Variants in CMAS observed in about 807,000 individuals in gnomAD.
CMAS encodes the protein cytidine monophosphate N-acetylneuraminic acid synthetase, also known as N-acylneuraminate cytidylyltransferase.
In CMAS, 21 loss-of-function variants were observed where a neutral mutation model predicts 53.4. That is an observed-to-expected ratio of 0.39 (90% CI 0.28 to 0.57). The LOEUF (loss-of-function observed/expected upper bound fraction) is 0.57. CMAS is among the 20% of genes least tolerant of loss of function. The pLI is 0.56. For missense variants in CMAS, 384 were observed against 534.9 expected, an observed-to-expected ratio of 0.72 and a Z score of 2.78; for synonymous variants, 189 against 195.2, an observed-to-expected ratio of 0.97 and a Z score of 0.27.
Position 22,062,445 on chromosome 12 carries a change from T to C in CMAS, c.1114+11T>C. Reference sequence around the variant, plus strand: ...AAGTGGCATATCTTGGTTGGTATCTTTTTATTCACCCATAGTAAAATGGAC... The same window carrying C: ...AAGTGGCATATCTTGGTTGGTATCTCTTTATTCACCCATAGTAAAATGGAC... On this transcript the variant is annotated intron_variant, in intron 7 of 7. Coordinates refer to ENST00000229329, the MANE Select transcript of CMAS (RefSeq NM_018686.6). 5 of 1,610,476 alleles carry C rather than the reference T, an allele frequency of 3.1e-6. No individual in the cohort carries two copies. The African/African-American group carries it at 4.0e-5, about 13-fold the overall frequency.
At chr12:22,062,586 C>A in intron 7 of CMAS, 152 bp downstream of exon 7, 1 of 769,372 alleles carries the variant, frequency 1.3e-6, no homozygotes, top group Non-Finnish European at 2.1e-6. Context: ...AACTGTTAAA[C>A]TGGGACAGTC....
At chr12:22,046,713 G>A in intron 1 of CMAS, 150 bp downstream of exon 1, 14 of 948,282 alleles carry the variant, frequency 1.5e-5, no homozygotes, top group Non-Finnish European at 2.1e-5. Context: ...GGTGCCTGGG[G>A]CCGGGCTGAG....
chr12:22,053,524 T>TAC (rs1012968411), intron 1 of CMAS, among the ~76,000 whole-genome samples: 1 of 150,790 alleles, frequency 6.6e-6, no homozygotes, highest in African/African-American at 2.4e-5. Context: ...TATATATATA[T>TAC]ATACACACAC....
In CMAS at chr12:22,052,298, C is replaced by A. The variant is rs192019531; in HGVS notation, c.261-2851C>A. Among the ~76,000 whole-genome samples, 27 of 152,302 alleles carry A rather than the reference C, an allele frequency of 1.8e-4. No individual in the cohort carries two copies. In the East Asian group the frequency reaches 5.2e-3, roughly 29 times the overall value. On this transcript the variant is annotated intron_variant, in intron 1 of 7. Coordinates refer to ENST00000229329, the MANE Select transcript of CMAS (RefSeq NM_018686.6). Reference sequence around the variant, plus strand: ...ATAAACTATGCTCTATATGTTATTACATCCCTAGTGTCCAGAATCGTGCCT... The same window carrying A: ...ATAAACTATGCTCTATATGTTATTAAATCCCTAGTGTCCAGAATCGTGCCT...
intron 7 of CMAS, chr12:22,063,770 AAAT>A (rs1486077966): frequency 1.3e-5 from 2 of 152,014 alleles, no homozygotes; most frequent in Non-Finnish European, 2.9e-5. Context: ...AGAGGTAAGA[AAAT>A]GGAGAAGAGC....
At chr12:22,046,850 C>T (rs1430916752) in intron 1 of CMAS, among the ~76,000 whole-genome samples, 2 of 152,182 alleles carry the variant, frequency 1.3e-5, no homozygotes, top group East Asian at 3.9e-4. Flanking sequence ...CCCCAACCGT[C>T]CCCTCCTCCC....
At chr12:22,055,716 A>G (rs2138182981) in intron 3 of CMAS, 106 bp downstream of exon 3, 1 of 926,844 alleles carries the variant, frequency 1.1e-6, no homozygotes, top group Non-Finnish European at 1.6e-6. Context: ...GCTGTAAAAG[A>G]GAGTATTTGA....
intron 3 of CMAS, among the ~76,000 whole-genome samples, chr12:22,057,226 T>C (rs374034330): frequency 3.0e-5 from 4 of 133,854 alleles, no homozygotes; most frequent in Admixed American, 7.5e-5. Context: ...AACCAGCTAT[T>C]ACACACACAC....
intron 1 of CMAS, among the ~76,000 whole-genome samples, chr12:22,051,169 G>T (rs1829305675): frequency 6.6e-6 from 1 of 152,146 alleles, no homozygotes; most frequent in Admixed American, 6.5e-5. Flanking sequence ...TGCTAACTTT[G>T]CATACTAACT....
In CMAS at chr12:22,055,610, G is replaced by GTTC; in HGVS notation, c.559_559+1insTTC (p.Val187_Arg188insLeu). 6.2e-7 allele frequency: 1 copy of GTTC among 1,605,916 alleles called. No homozygotes were observed. The highest frequency in any genetic ancestry group is 1.7e-5 in the Admixed American group (1 of 58,570). On this transcript the variant is annotated inframe_insertion and splice_region_variant. Coordinates refer to ENST00000229329, the MANE Select transcript of CMAS (RefSeq NM_018686.6). The stretch of plus-strand genomic sequence containing the variant: ...TCGATGGAGTGAAATTCAGAAAGGA[G>GTTC]GTAATCTCTTTTCAGTCTTTATTTT...
Position 22,046,487 on chromosome 12 carries a change from A to C in CMAS, c.184A>C (p.Asn62His). Residue 62 changes from asparagine (N) to histidine (H), a missense_variant, in exon 1 of 8, where the codon AAC (asparagine) becomes CAC (histidine). Transcript: ENST00000229329. The part of the protein sequence containing the change: ...RGGSKGIPLK[N>H]IKHLAGVPLI... ...AGGCAGCAAAGGCATCCCCCTGAAG[A>C]ACATTAAGCACCTGGCGGGGGTCCC... The C allele has an allele frequency of 6.2e-7, 1 of 1,609,506 alleles. No homozygotes were observed. Among genetic ancestry groups the C allele is most frequent in the Non-Finnish European group, 8.5e-7 (1 of 1,178,398 alleles).
intron 1 of CMAS, among the ~76,000 whole-genome samples, chr12:22,048,846 C>T (rs938355335): frequency 6.6e-6 from 1 of 152,162 alleles, no homozygotes; most frequent in South Asian, 2.1e-4. Flanking sequence ...TGTTTCTCTT[C>T]CAGATAAGCG....
At chr12:22,054,021 G>C (rs1950252365) in intron 1 of CMAS, among the ~76,000 whole-genome samples, 1 of 151,482 alleles carries the variant, frequency 6.6e-6, no homozygotes, top group Non-Finnish European at 1.5e-5. Flanking sequence ...CTGCCTCCCA[G>C]GTTCAAGCGA....
rs771255768 is a variant in CMAS, at chr12:22,062,357, G to T, written c.1037G>T (p.Ser346Ile). The T allele has an allele frequency of 6.2e-7, 1 of 1,612,934 alleles. No homozygotes were observed. Reference sequence around the variant, plus strand: ...AAACTGGATTGCAAAATGGAAGTCAGTGTATCAGACAAGCTAGCAGTTGTA... The same window carrying T: ...AAACTGGATTGCAAAATGGAAGTCATTGTATCAGACAAGCTAGCAGTTGTA... ...SLKLDCKMEV[S>I]VSDKLAVVDE... Residue 346 changes from serine (S) to isoleucine (I), a missense_variant, in exon 7 of 8, where the codon AGT becomes ATT. By Grantham distance (142) the Ser-to-Ile change is moderately radical. Coordinates refer to ENST00000229329, the MANE Select transcript of CMAS (RefSeq NM_018686.6).
chr12:22,061,226 G>A (rs967748527), intron 5 of CMAS, 55 bp from the exon 6 acceptor site: 1 of 1,195,484 alleles, frequency 8.4e-7, no homozygotes, highest in Non-Finnish European at 1.2e-6. Context: ...AGCCAGATGA[G>A]AGGGAGTGAT....
chr12:22,060,098 G>A (rs1228013379), intron 4 of CMAS, among the ~76,000 whole-genome samples: 1 of 151,774 alleles, frequency 6.6e-6, no homozygotes, highest in East Asian at 1.9e-4. Context: ...AATTAGAACA[G>A]AAGTTCCAAA....
chr12:22,057,359 C>A (rs1187982648), intron 3 of CMAS, among the ~76,000 whole-genome samples: 1 of 151,878 alleles, frequency 6.6e-6, no homozygotes, highest in Admixed American at 6.6e-5. Flanking sequence ...ATGTTCTATT[C>A]ATTAATGTTG....
intron 1 of CMAS, among the ~76,000 whole-genome samples, chr12:22,054,186 CAA>C (rs1950254099): frequency 6.6e-6 from 1 of 151,992 alleles, no homozygotes; most frequent in East Asian, 2.0e-4. Context: ...CTCGGCTTCC[CAA>C]AGTGTTGGGA....
intron 7 of CMAS, among the ~76,000 whole-genome samples, chr12:22,064,805 T>G (rs1439077467): frequency 6.6e-6 from 1 of 152,162 alleles, no homozygotes; most frequent in Admixed American, 6.5e-5. Flanking sequence ...TTTTGCTTAA[T>G]GAAAAATTTA....
Sources: gnomAD v4.1 joint callset for allele counts (sites outside exome capture counted in the v4.1 genomes callset) on GRCh38, gnomAD v4.1.1 for gene constraint, MANE v1.5 for transcripts, NCBI Gene and HGNC (gene_info 2026-07-23, HGNC 2026-07-21) for gene names.